SNTG1: variants seen among roughly 807,000 people sequenced by gnomAD.
SNTG1 encodes gamma-1-syntrophin.
In SNTG1, 39 loss-of-function variants were observed where a neutral mutation model predicts 74.7. That is an observed-to-expected ratio of 0.52 (90% CI 0.40 to 0.68). SNTG1 has a LOEUF of 0.68. Among genes scored for constraint, SNTG1 ranks in the 30% least tolerant of loss-of-function variants. The pLI is 0.00. For missense variants in SNTG1, 685 were observed against 609.5 expected, an observed-to-expected ratio of 1.12 and a Z score of -1.30; for synonymous variants, 254 against 217.1, an observed-to-expected ratio of 1.17 and a Z score of -1.49.
chr8:50,369,610 A>AAAAAG (rs1326782590), intron 2 of SNTG1, among the ~76,000 whole-genome samples: 1 of 151,926 alleles, frequency 6.6e-6, no homozygotes, highest in East Asian at 1.9e-4. Flanking sequence ...AAGAAAAAAA[A>AAAAAG]AAAAGAAAAG....
intron 8 of SNTG1, among the ~76,000 whole-genome samples, chr8:50,470,682 G>A (rs748394027): frequency 1.3e-5 from 2 of 152,244 alleles, no homozygotes; most frequent in East Asian, 1.9e-4. Context: ...TGGTGGGTTC[G>A]TGGTGTTGCT....
intron 1 of SNTG1, among the ~76,000 whole-genome samples, chr8:50,024,729 C>T (rs932821056): frequency 1.2e-4 from 18 of 152,020 alleles, no homozygotes; most frequent in African/African-American, 2.4e-4. Flanking sequence ...AGTTAGTGAA[C>T]GTTGTCTCTC....
chr8:50,154,686 A>T (rs529664446), intron 1 of SNTG1, among the ~76,000 whole-genome samples: 6 of 152,290 alleles, frequency 3.9e-5, no homozygotes, highest in African/African-American at 1.4e-4. Flanking sequence ...GAAGCATTGA[A>T]CTAACCAAAA....
In SNTG1 at chr8:49,911,898, C is replaced by T. The variant is rs1376224137; in HGVS notation, c.-436C>T. 6.7e-6 allele frequency: 1 copy of T among 149,952 alleles called. No individual in the cohort carries two copies. Among genetic ancestry groups the T allele is most frequent in the Non-Finnish European group, 1.5e-5 (1 of 67,364 alleles). The allele number at this position is 149,952 out of a possible 1,614,324, so 9.3% of individuals were successfully genotyped here. A position where few individuals can be genotyped will look rare whatever the true frequency, so the allele number is the denominator to read the frequency against. On this transcript the variant is annotated 5_prime_UTR_variant, in exon 1 of 19. Transcript: ENST00000642720. ...CCTTAATGGATGAAAAGTACCCCTC[C>T]CTCTACACCTGCTGTACCTAAGGAC...
intron 2 of SNTG1, among the ~76,000 whole-genome samples, chr8:50,305,284 AG>A (rs1306135369): frequency 2.6e-5 from 4 of 152,240 alleles, no homozygotes; most frequent in Admixed American, 2.6e-4. Context: ...AAAAAATCTA[AG>A]GACAGTCTAA....
At chr8:49,928,824 A>G (rs1047401347) in intron 1 of SNTG1, among the ~76,000 whole-genome samples, 2 of 152,148 alleles carry the variant, frequency 1.3e-5, no homozygotes, top group African/African-American at 4.8e-5. Flanking sequence ...AATGTTATAC[A>G]TATGATTGTT....
intron 1 of SNTG1, among the ~76,000 whole-genome samples, chr8:50,158,314 T>C (rs1313891983): frequency 6.6e-6 from 1 of 152,126 alleles, no homozygotes; most frequent in African/African-American, 2.4e-5. Flanking sequence ...TTAGCCTGTC[T>C]CTTAGGAAAT....
At chr8:50,598,852 C>T (rs2094751393) in intron 13 of SNTG1, among the ~76,000 whole-genome samples, 1 of 151,774 alleles carries the variant, frequency 6.6e-6, no homozygotes, top group Non-Finnish European at 1.5e-5. Context: ...AAATTGCTTC[C>T]TAATTTTTTT....
intron 13 of SNTG1, among the ~76,000 whole-genome samples, chr8:50,601,785 T>C (rs1585813064): frequency 6.6e-6 from 1 of 152,182 alleles, no homozygotes; most frequent in Non-Finnish European, 1.5e-5. Flanking sequence ...AATATTTACT[T>C]TCTATATCTG....
At chr8:50,754,129 C>A (rs1398947873) in intron 18 of SNTG1, among the ~76,000 whole-genome samples, 1 of 151,942 alleles carries the variant, frequency 6.6e-6, no homozygotes, top group East Asian at 1.9e-4. Flanking sequence ...GCTAACATAC[C>A]ATCACAGGAG....
At chr8:50,634,182 A>G (rs1190146489) in intron 13 of SNTG1, among the ~76,000 whole-genome samples, 3 of 152,068 alleles carry the variant, frequency 2.0e-5, no homozygotes, top group Non-Finnish European at 4.4e-5. Context: ...TTGTCAATAT[A>G]CCCCTAAATA....
chr8:50,796,264 A>G lies in SNTG1; in HGVS notation c.*3435A>G, dbSNP rs779704852. 4 of 152,026 alleles carry G rather than the reference A, an allele frequency of 2.6e-5. No homozygotes were observed. Among genetic ancestry groups the G allele is most frequent in the Non-Finnish European group, 4.4e-5 (3 of 67,926 alleles). The allele number at this position is 152,026 out of a possible 1,614,324, so 9.4% of individuals were successfully genotyped here. A position where few individuals can be genotyped will look rare whatever the true frequency, so the allele number is the denominator to read the frequency against. ...GATCTTGTGCTTAACTTTTTAAGGT[A>G]AGTGTAGATGTTCGGATACTAATAA... On this transcript the variant is annotated 3_prime_UTR_variant, in exon 19 of 19. Transcript: ENST00000642720.
At chr8:50,189,721 C>T (rs1586636871) in intron 2 of SNTG1, among the ~76,000 whole-genome samples, 1 of 152,106 alleles carries the variant, frequency 6.6e-6, no homozygotes, top group African/African-American at 2.4e-5. Flanking sequence ...GGCATTTACA[C>T]AGCAGAACAG....
At chr8:50,767,852 C>A (rs2095617631) in intron 18 of SNTG1, among the ~76,000 whole-genome samples, 1 of 151,884 alleles carries the variant, frequency 6.6e-6, no homozygotes. Flanking sequence ...CCCCTGATTT[C>A]AAAACGTGCT....
At chr8:50,373,277 A>G (rs78075102) in intron 2 of SNTG1, among the ~76,000 whole-genome samples, 7,450 of 152,286 alleles carry the variant, frequency 0.049, 241 homozygotes, top group Non-Finnish European at 0.07. Context: ...AGGAATGCAA[A>G]TATGTTTTCA....
chr8:50,421,675 C>T (rs190963579), intron 4 of SNTG1, among the ~76,000 whole-genome samples: 1 of 152,194 alleles, frequency 6.6e-6, no homozygotes, highest in East Asian at 1.9e-4. Flanking sequence ...TTTCAAACTC[C>T]TCTGACAACA....
At chr8:49,955,649 A>G (rs892484150) in intron 1 of SNTG1, among the ~76,000 whole-genome samples, 1 of 152,246 alleles carries the variant, frequency 6.6e-6, no homozygotes, top group Non-Finnish European at 1.5e-5. Context: ...TTAACTCACC[A>G]GAAAGGGAGG....
chr8:49,973,532 A>T (rs959600846), intron 1 of SNTG1, among the ~76,000 whole-genome samples: 16 of 152,064 alleles, frequency 1.1e-4, no homozygotes, highest in Non-Finnish European at 1.9e-4. Context: ...AAAAAAAAGA[A>T]AAGAGTCTGG....
chr8:50,291,877 A>G (rs1736811109), intron 2 of SNTG1, among the ~76,000 whole-genome samples: 1 of 152,144 alleles, frequency 6.6e-6, no homozygotes, highest in Non-Finnish European at 1.5e-5. Flanking sequence ...GATCTGATCT[A>G]TGTGAGAGAA....
Sources: allele counts gnomAD v4.1 joint callset (sites outside exome capture counted in the v4.1 genomes callset), GRCh38; gene constraint gnomAD v4.1.1; transcripts MANE v1.5; gene names NCBI Gene and HGNC (gene_info 2026-07-23, HGNC 2026-07-21).